Variants in KIF18A observed in about 807,000 individuals in gnomAD.
KIF18A encodes the protein kinesin-like protein KIF18A.
Under a neutral mutation model 103.3 loss-of-function variants are expected in KIF18A, and 67 were observed. That is an observed-to-expected ratio of 0.65 (90% CI 0.53 to 0.79). The LOEUF is 0.79. Ranked by LOEUF, KIF18A falls within the 30% of genes least tolerant of loss-of-function variation. The pLI is 0.00. For missense variants in KIF18A, 1,032 were observed against 1,062.5 expected, an observed-to-expected ratio of 0.97 and a Z score of 0.40; for synonymous variants, 367 against 355.5, an observed-to-expected ratio of 1.03 and a Z score of -0.36.
At chr11:28,055,194 C>G (rs1365277786) in intron 13 of KIF18A, among the ~76,000 whole-genome samples, 1 of 152,090 alleles carries the variant, frequency 6.6e-6, no homozygotes, top group Admixed American at 6.6e-5. Context: ...TTAAGATAAT[C>G]TATCCAACTT....
At chr11:28,094,201 T>G (rs1188467149) in intron 3 of KIF18A, among the ~76,000 whole-genome samples, 2 of 152,120 alleles carry the variant, frequency 1.3e-5, no homozygotes, top group Non-Finnish European at 2.9e-5. Flanking sequence ...CAATAAAGGG[T>G]ATTAATGAAA....
intron 4 of KIF18A, 21 bp from the exon 5 acceptor site, chr11:28,090,748 G>A: frequency 3.2e-6 from 4 of 1,236,064 alleles, no homozygotes; most frequent in Non-Finnish European, 3.5e-6. Context: ...TTAAGTAGAA[G>A]CAAAATTTAA....
At chr11:28,065,277 T>TA (rs1850903964) in intron 11 of KIF18A, among the ~76,000 whole-genome samples, 1 of 152,070 alleles carries the variant, frequency 6.6e-6, no homozygotes, top group Non-Finnish European at 1.5e-5. Context: ...TTTGCTTATG[T>TA]AAAAAATAAT....
At chr11:28,058,239 G>T (rs1850807193) in intron 13 of KIF18A, among the ~76,000 whole-genome samples, 6 of 151,928 alleles carry the variant, frequency 3.9e-5, no homozygotes. Context: ...ACTCTACACT[G>T]TTAGTTGATC....
At chr11:28,021,804 C>G (rs1208224443) in intron 16 of KIF18A, among the ~76,000 whole-genome samples, 2 of 152,116 alleles carry the variant, frequency 1.3e-5, no homozygotes. Context: ...TCTTCTGGTT[C>G]TTCATTAGCT....
chr11:28,025,348 A>G (rs572153822), intron 15 of KIF18A, among the ~76,000 whole-genome samples: 53 of 152,202 alleles, frequency 3.5e-4, no homozygotes, highest in African/African-American at 1.3e-3. Flanking sequence ...CAAGGCAGAA[A>G]TTCTTTTTTG....
At chr11:28,034,312 T>C (rs1439949096) in intron 15 of KIF18A, among the ~76,000 whole-genome samples, 1 of 151,750 alleles carries the variant, frequency 6.6e-6, no homozygotes, top group Non-Finnish European at 1.5e-5. Context: ...TTGTAATTTT[T>C]GTTTAAGTGC....
At chr11:28,096,173 CAAAAAAAAAA>C (rs1156735166) in intron 2 of KIF18A, among the ~76,000 whole-genome samples, 13 of 49,692 alleles carry the variant, frequency 2.6e-4, no homozygotes, top group African/African-American at 3.6e-4. Context: ...AAGACTTCAT[CAAAAAAAAAA>C]AAAAAAAAAA....
intron 10 of KIF18A, among the ~76,000 whole-genome samples, chr11:28,073,070 T>A (rs1448629122): frequency 6.6e-6 from 1 of 152,114 alleles, no homozygotes. Flanking sequence ...TCTATACCAA[T>A]ATCCTACCTT....
intron 11 of KIF18A, among the ~76,000 whole-genome samples, chr11:28,062,806 T>C (rs913292898): frequency 6.6e-6 from 1 of 151,998 alleles, no homozygotes; most frequent in Non-Finnish European, 1.5e-5. Context: ...TAAAAATACA[T>C]AAATATGACC....
At position 28,021,169 on chromosome 11, in the gene KIF18A, T is replaced by C; in HGVS notation, c.*31A>G. The stretch of plus-strand genomic sequence containing the variant: ...GATAAACTTTGAAAAGCAGATTTGA[T>C]CAACTTCATTTTGCTTGGTTTTGAA... On this transcript the variant is annotated 3_prime_UTR_variant, in exon 17 of 17. Transcript: ENST00000263181. 2 of 1,463,160 alleles carry C rather than the reference T, an allele frequency of 1.4e-6. No homozygotes were observed. Among genetic ancestry groups the C allele is most frequent in the Non-Finnish European group, 9.1e-7 (1 of 1,104,418 alleles). 90.6% of individuals were successfully genotyped at this position (1,463,160 alleles called of 1,614,324 possible).
intron 5 of KIF18A, among the ~76,000 whole-genome samples, chr11:28,089,959 T>C (rs1371052831): frequency 6.6e-6 from 1 of 152,162 alleles, no homozygotes; most frequent in Non-Finnish European, 1.5e-5. Context: ...CAAAAAAGAT[T>C]AATGAAATTT....
chr11:28,055,847 A>T (rs1850773894), intron 13 of KIF18A, among the ~76,000 whole-genome samples: 1 of 152,188 alleles, frequency 6.6e-6, no homozygotes, highest in Non-Finnish European at 1.5e-5. Context: ...CAAGAAAATC[A>T]GTCTAAACAG....
intron 1 of KIF18A, among the ~76,000 whole-genome samples, chr11:28,103,426 G>C (rs1851469126): frequency 6.6e-6 from 1 of 151,924 alleles, no homozygotes; most frequent in South Asian, 2.1e-4. Flanking sequence ...AGAGAGAGTA[G>C]GGTATCAAAA....
intron 13 of KIF18A, among the ~76,000 whole-genome samples, chr11:28,044,553 G>A (rs892851218): frequency 7.2e-5 from 11 of 152,040 alleles, no homozygotes; most frequent in Non-Finnish European, 1.6e-4. Flanking sequence ...ATAAAGTGGC[G>A]AGTGTTCTAT....
At chr11:28,040,871 T>A (rs1590669659) in intron 13 of KIF18A, among the ~76,000 whole-genome samples, 1 of 151,836 alleles carries the variant, frequency 6.6e-6, no homozygotes, top group Non-Finnish European at 1.5e-5. Context: ...TTCTATTACC[T>A]TGAATGATTA....
chr11:28,064,597 A>G (rs899219595), intron 11 of KIF18A, among the ~76,000 whole-genome samples: 3 of 152,096 alleles, frequency 2.0e-5, no homozygotes, highest in African/African-American at 7.2e-5. Context: ...AACTTAAAGT[A>G]TAAAGAAAAA....
At chr11:28,079,703 A>C (rs1271538076) in intron 9 of KIF18A, among the ~76,000 whole-genome samples, 3 of 152,164 alleles carry the variant, frequency 2.0e-5, no homozygotes, top group Non-Finnish European at 1.5e-5. Context: ...AGATTCCTTT[A>C]CTACAGGTTT....
chr11:28,090,531 T>TC, intron 5 of KIF18A, 86 bp downstream of exon 5: 1 of 793,936 alleles, frequency 1.3e-6, no homozygotes, highest in South Asian at 1.7e-5. Context: ...CAGATTTTTT[T>TC]CACATGTATG....
Sources: gnomAD v4.1 joint callset for allele counts (sites outside exome capture counted in the v4.1 genomes callset) on GRCh38, gnomAD v4.1.1 for gene constraint, MANE v1.5 for transcripts, NCBI Gene and HGNC (gene_info 2026-07-23, HGNC 2026-07-21) for gene names.